IGSF11: variants seen among roughly 807,000 people sequenced by gnomAD.
The protein encoded by IGSF11 is immunoglobulin superfamily member 11.
Under a neutral mutation model 41.0 loss-of-function variants are expected in IGSF11, and 22 were observed. The ratio of observed to expected loss-of-function variants is 0.54; its 90% CI spans 0.38 to 0.77. The LOEUF is 0.77. IGSF11 is among the 30% of genes least tolerant of loss of function. IGSF11 has a pLI of 0.00. For synonymous variants in IGSF11, 219 were observed against 201.3 expected, an observed-to-expected ratio of 1.09 and a Z score of -0.74; for missense variants, 444 against 530.8, an observed-to-expected ratio of 0.84 and a Z score of 1.61.
intron 1 of IGSF11, among the ~76,000 whole-genome samples, chr3:118,955,807 G>A (rs1222673950): frequency 6.6e-6 from 1 of 152,048 alleles, no homozygotes; most frequent in East Asian, 1.9e-4. Flanking sequence ...TCCACTTAAA[G>A]TCACCAGCTG....
At chr3:119,123,574 A>C (rs1477451961) in intron 1 of IGSF11, among the ~76,000 whole-genome samples, 1 of 152,226 alleles carries the variant, frequency 6.6e-6, no homozygotes, top group Non-Finnish European at 1.5e-5. Flanking sequence ...ATTGGCTTCA[A>C]GTATGATGCA....
At chr3:118,912,060 T>A (rs1328800021) in intron 4 of IGSF11, among the ~76,000 whole-genome samples, 1 of 152,236 alleles carries the variant, frequency 6.6e-6, no homozygotes, top group Non-Finnish European at 1.5e-5. Context: ...TCAGAAAATG[T>A]TAACCATTAA....
intron 1 of IGSF11, among the ~76,000 whole-genome samples, chr3:119,045,362 C>T (rs952041966): frequency 7.2e-5 from 11 of 152,190 alleles, no homozygotes; most frequent in Non-Finnish European, 1.2e-4. Flanking sequence ...GTTCCCTTTC[C>T]GAGTCAAAGA....
At chr3:118,961,460 T>TA (rs1435248882) in intron 1 of IGSF11, among the ~76,000 whole-genome samples, 1 of 152,240 alleles carries the variant, frequency 6.6e-6, no homozygotes, top group Non-Finnish European at 1.5e-5. Flanking sequence ...AGCTATTTTT[T>TA]ACAGTGGTAA....
chr3:119,047,873 T>A (rs1164655980), intron 1 of IGSF11, among the ~76,000 whole-genome samples: 1 of 152,082 alleles, frequency 6.6e-6, no homozygotes, highest in Non-Finnish European at 1.5e-5. Context: ...ACATGGAAAC[T>A]GAACAACCTG....
chr3:119,140,175 A>G (rs1189153717), intron 1 of IGSF11, among the ~76,000 whole-genome samples: 1 of 152,166 alleles, frequency 6.6e-6, no homozygotes, highest in East Asian at 1.9e-4. Flanking sequence ...GATAGTCAGA[A>G]TGGACCCTCC....
Position 118,999,481 on chromosome 3 carries a change from T to A in IGSF11, c.52+35050A>T, listed in dbSNP as rs186504100. The stretch of plus-strand genomic sequence containing the variant: ...CTAGAGTTAATTTCATCCCAAACCC[T>A]TCAGATGTTCCATCAATGGTTGAAA... On this transcript the variant is annotated intron_variant, in intron 1 of 6. Transcript: ENST00000393775. Among the ~76,000 whole-genome samples the A allele has an allele frequency of 1.2e-4, 18 of 152,270 alleles. No individual in the cohort carries two copies. The East Asian group carries it at 3.5e-3, about 29-fold the overall frequency.
chr3:118,924,845 A>T (rs919119579), intron 4 of IGSF11, among the ~76,000 whole-genome samples: 1 of 151,880 alleles, frequency 6.6e-6, no homozygotes, highest in Non-Finnish European at 1.5e-5. Flanking sequence ...ATTTTTGTTT[A>T]AAAAAAAGCA....
intron 4 of IGSF11, among the ~76,000 whole-genome samples, chr3:118,923,083 C>T (rs1032512176): frequency 3.3e-5 from 5 of 152,076 alleles, no homozygotes; most frequent in Non-Finnish European, 7.4e-5. Context: ...TCTCAGCTGA[C>T]GTGCAAGTGG....
intron 1 of IGSF11, among the ~76,000 whole-genome samples, chr3:119,130,252 G>A (rs2077463049): frequency 6.6e-6 from 1 of 152,194 alleles, no homozygotes; most frequent in Admixed American, 6.5e-5. Flanking sequence ...GCAGGGCAGG[G>A]CATTGCCTCA....
At chr3:119,070,628 T>C (rs948833337) in intron 1 of IGSF11, among the ~76,000 whole-genome samples, 5 of 152,140 alleles carry the variant, frequency 3.3e-5, no homozygotes, top group African/African-American at 1.2e-4. Context: ...CCTTCTTTGT[T>C]TTTTGTTGTT....
intron 1 of IGSF11, among the ~76,000 whole-genome samples, chr3:119,014,425 A>C (rs548171842): frequency 6.6e-6 from 1 of 152,354 alleles, no homozygotes; most frequent in African/African-American, 2.4e-5. Context: ...TACATAGTGC[A>C]TAAATATATC....
rs1038958136 is a variant in IGSF11 at position 119,131,980 on chromosome 3, C to A, written c.-14+13833G>T. ...TTCATAAGTGAAGGAGAAATAAAAT[C>A]CTTTACAGACAAGCAAATGCTGAGA... On this transcript the variant is annotated intron_variant, in intron 1 of 7. Coordinates refer to the IGSF11 transcript ENST00000425327. Among the ~76,000 whole-genome samples the A allele has an allele frequency of 2.6e-5, 4 of 152,016 alleles. No individual in the cohort carries two copies. The East Asian group carries it at 5.8e-4, about 22-fold the overall frequency.
intron 1 of IGSF11, among the ~76,000 whole-genome samples, chr3:119,012,029 CAG>C (rs766318248): frequency 3.4e-4 from 50 of 147,864 alleles, no homozygotes; most frequent in Non-Finnish European, 3.7e-4. Context: ...TACACACACA[CAG>C]AGAGAGAGAG....
intron 1 of IGSF11, among the ~76,000 whole-genome samples, chr3:119,070,596 T>C (rs983045790): frequency 3.3e-5 from 5 of 151,742 alleles, no homozygotes; most frequent in African/African-American, 1.2e-4. Context: ...TAAGAGTTTA[T>C]GTACATGTTT....
At chr3:119,013,326 AT>A (rs1488361879) in intron 1 of IGSF11, 2 of 152,380 alleles carry the variant, frequency 1.3e-5, no homozygotes, top group East Asian at 3.9e-4. Context: ...TTCTATCAAC[AT>A]ATTCATTTGT....
intron 1 of IGSF11, among the ~76,000 whole-genome samples, chr3:118,987,801 C>T (rs888735127): frequency 3.9e-5 from 6 of 152,150 alleles, no homozygotes; most frequent in Non-Finnish European, 8.8e-5. Flanking sequence ...CACAGACAGA[C>T]GAATACCAAC....
intron 1 of IGSF11, among the ~76,000 whole-genome samples, chr3:119,056,184 C>T (rs897266340): frequency 2.6e-5 from 4 of 151,996 alleles, no homozygotes; most frequent in African/African-American, 9.7e-5. Context: ...AATCCAGGAG[C>T]TGGTTTTTTG....
chr3:118,981,438 T>C (rs1450804576), intron 1 of IGSF11, among the ~76,000 whole-genome samples: 1 of 152,168 alleles, frequency 6.6e-6, no homozygotes. Context: ...TCTGGGATTA[T>C]AGGCATCAGC....
Sources: allele counts gnomAD v4.1 joint callset (sites outside exome capture counted in the v4.1 genomes callset), GRCh38; gene constraint gnomAD v4.1.1; transcripts MANE v1.5; gene names NCBI Gene and HGNC (gene_info 2026-07-23, HGNC 2026-07-21).